ZKSCAN1: variants seen among roughly 807,000 people sequenced by gnomAD.
The protein encoded by ZKSCAN1 is zinc finger protein with KRAB and SCAN domains 1.
ZKSCAN1 carries 14 observed loss-of-function variants against 51.6 expected under a neutral mutation model. The observed-to-expected ratio is 0.27, with a 90% CI of 0.18 to 0.42. The LOEUF (loss-of-function observed/expected upper bound fraction) is 0.42, where lower values mean the gene tolerates loss of function less well. Ranked by LOEUF, ZKSCAN1 falls within the 10% of genes least tolerant of loss-of-function variation. The pLI is 1.00. For missense variants in ZKSCAN1, 531 were observed against 710.0 expected, an observed-to-expected ratio of 0.75 and a Z score of 2.86; for synonymous variants, 263 against 261.5, an observed-to-expected ratio of 1.01 and a Z score of -0.06.
At chr7:100,042,803 T>G (rs561514918), downstream of ZKSCAN1, among the ~76,000 whole-genome samples, 2 of 149,796 alleles carry the variant, frequency 1.3e-5, no homozygotes, top group African/African-American at 4.9e-5. Context: ...TTGGGTTTTT[T>G]TTTTTTTTTT....
chr7:100,038,507 A>G lies in ZKSCAN1; in HGVS notation c.*4310A>G, dbSNP rs1365577585. The G allele has an allele frequency of 2.0e-6, 2 of 985,460 alleles. No homozygotes were observed. Among genetic ancestry groups the G allele is most frequent in the Non-Finnish European group, 2.4e-6 (2 of 829,940 alleles). 61.0% of individuals were successfully genotyped at this position (985,460 alleles called of 1,614,324 possible). On this transcript the variant is annotated 3_prime_UTR_variant, in exon 6 of 6. Transcript: ENST00000324306. ...GCCTTTTGAATTTTTCCTCAAAACCAAGAAGTTGACCTCTGAGCTGTCAGG... is the reference window on the plus strand; with the variant it reads ...GCCTTTTGAATTTTTCCTCAAAACCGAGAAGTTGACCTCTGAGCTGTCAGG...
At chr7:100,018,729 A>G (rs1464041529) in intron 1 of ZKSCAN1, among the ~76,000 whole-genome samples, 1 of 152,184 alleles carries the variant, frequency 6.6e-6, no homozygotes, top group Non-Finnish European at 1.5e-5. Context: ...GAAGAGTATT[A>G]GGGCCTTTAG....
intron 3 of ZKSCAN1, among the ~76,000 whole-genome samples, 177 bp from the exon 4 acceptor site, chr7:100,029,684 G>T (rs1791017022): frequency 6.6e-6 from 1 of 152,178 alleles, no homozygotes; most frequent in South Asian, 2.1e-4. Context: ...AAGAGTAGAG[G>T]TCTTGGGAAA....
chr7:100,040,188 A>G lies in ZKSCAN1; in HGVS notation c.*5991A>G, dbSNP rs1221095826. 1 of 985,336 alleles carries G rather than the reference A, an allele frequency of 1.0e-6. No individual in the cohort carries two copies. The highest frequency in any genetic ancestry group is 1.7e-5 in the African/African-American group (1 of 57,242). 61.0% of individuals were successfully genotyped at this position (985,336 alleles called of 1,614,324 possible). A position where few individuals can be genotyped will look rare whatever the true frequency, so the allele number is the denominator to read the frequency against. On this transcript the variant is annotated 3_prime_UTR_variant, in exon 6 of 6. Coordinates refer to ENST00000324306, the MANE Select transcript of ZKSCAN1 (RefSeq NM_003439.4). The stretch of plus-strand genomic sequence containing the variant: ...TACTTTTGACATCCCACAATACAGA[A>G]TGTCTTAACATGAGAATTGAATTTC...
Position 100,033,128 on chromosome 7 carries a change from C to G in ZKSCAN1, c.800-177C>G, listed in dbSNP as rs1304401036. Among the ~76,000 whole-genome samples, 2 of 152,086 alleles carry G rather than the reference C, an allele frequency of 1.3e-5. No homozygotes were observed. The highest frequency in any genetic ancestry group is 3.9e-4 in the East Asian group (2 of 5,194). On this transcript the variant is annotated intron_variant, in intron 5 of 5. Coordinates refer to ENST00000324306, the MANE Select transcript of ZKSCAN1 (RefSeq NM_003439.4). The surrounding 1 kb of genome is among the most constrained non-coding windows in gnomAD (Gnocchi z 4.1). ...CGGAGGTTGCAGTGAACTGAGATCA[C>G]GTCACTGCACTCCAGCCTGGGCGAC...
At chr7:100,031,803 A>C (rs1184884020) in intron 5 of ZKSCAN1, among the ~76,000 whole-genome samples, 1 of 152,226 alleles carries the variant, frequency 6.6e-6, no homozygotes, top group Non-Finnish European at 1.5e-5. Flanking sequence ...TTGACCAGGC[A>C]CAATGGCTCA....
rs1198521657 is a variant in ZKSCAN1 at position 100,038,760 on chromosome 7, C to T, written c.*4563C>T. On this transcript the variant is annotated 3_prime_UTR_variant, in exon 6 of 6. Coordinates refer to ENST00000324306, the MANE Select transcript of ZKSCAN1 (RefSeq NM_003439.4). ...CCTGTAATCCCAGCACTTTGGGAGA[C>T]CAAGGCGGGTGGATCACAAGGTCAG... The T allele has an allele frequency of 1.0e-6, 1 of 978,832 alleles. No homozygotes were observed. 60.6% of individuals were successfully genotyped at this position (978,832 alleles called of 1,614,324 possible). A position where few individuals can be genotyped will look rare whatever the true frequency, so the allele number is the denominator to read the frequency against.
At chr7:100,026,371 A>G (rs750139634) in intron 3 of ZKSCAN1, among the ~76,000 whole-genome samples, 2 of 152,102 alleles carry the variant, frequency 1.3e-5, no homozygotes, top group Non-Finnish European at 2.9e-5. Context: ...CTACTCTACC[A>G]TAGACTGTAG....
In ZKSCAN1 at chr7:100,023,615, A is replaced by G. The variant is rs1425395462; in HGVS notation, c.109A>G (p.Met37Val). 9.9e-6 allele frequency: 16 copies of G among 1,614,010 alleles called. No homozygotes were observed. The highest frequency in any genetic ancestry group is 1.3e-5 in the Non-Finnish European group (15 of 1,180,034). Residue 37 changes from methionine to valine, a missense_variant, in exon 2 of 6, where the codon ATG becomes GTG. By Grantham distance (21) the Met-to-Val change is conservative (BLOSUM62 1). Coordinates refer to ENST00000324306, the MANE Select transcript of ZKSCAN1 (RefSeq NM_003439.4). ...KVEEEDEEDH[M>V]WGQDSTLQDT... ...GGAAGAGGAAGATGAGGAAGACCAC[A>G]TGTGGGGGCAGGATTCCACCCTACA...
rs1023974448 is a variant in ZKSCAN1, at chr7:100,039,850, T to C, written c.*5653T>C. 53 of 985,402 alleles carry C rather than the reference T, an allele frequency of 5.4e-5. No individual in the cohort carries two copies. The African/African-American group carries it at 7.3e-4, about 14-fold the overall frequency. 61.0% of individuals were successfully genotyped at this position (985,402 alleles called of 1,614,324 possible). A position where few individuals can be genotyped will look rare whatever the true frequency, so the allele number is the denominator to read the frequency against. On this transcript the variant is annotated 3_prime_UTR_variant, in exon 6 of 6. Transcript: ENST00000324306. Reference sequence around the variant, plus strand: ...AGTCTGCAGATTGTTAAATGAAATATAGAATCAGAGAAAAAGAAAAGTCAG... The same window carrying C: ...AGTCTGCAGATTGTTAAATGAAATACAGAATCAGAGAAAAAGAAAAGTCAG...
Position 100,023,737 on chromosome 7 carries a change from G to A in ZKSCAN1, c.231G>A (p.Leu77=). 1 of 1,614,206 alleles carries A rather than the reference G, an allele frequency of 6.2e-7. No individual in the cohort carries two copies. Among genetic ancestry groups the A allele is most frequent in the Middle Eastern group, 1.7e-4 (1 of 6,058 alleles). ...TFGPREALSR[L]KELCHQWLRP... is the part of the protein sequence containing the mutation. ...GGCCCCGAGAGGCTCTCAGTCGGCT[G>A]AAGGAACTTTGTCATCAGTGGCTGC... Residue 77 remains leucine (L), a synonymous_variant, in exon 2 of 6, where the codon CTG becomes CTA. Coordinates refer to ENST00000324306, the MANE Select transcript of ZKSCAN1 (RefSeq NM_003439.4).
chr7:100,035,206 T>C lies in ZKSCAN1; in HGVS notation c.*1009T>C, dbSNP rs1413930225. 1 of 152,278 alleles carries C rather than the reference T, an allele frequency of 6.6e-6. No homozygotes were observed. Among genetic ancestry groups the C allele is most frequent in the Non-Finnish European group, 1.5e-5 (1 of 68,032 alleles). 9.4% of individuals were successfully genotyped at this position (152,278 alleles called of 1,614,324 possible). A position where few individuals can be genotyped will look rare whatever the true frequency, so the allele number is the denominator to read the frequency against. The stretch of plus-strand genomic sequence containing the variant: ...CTGTGAATCGTGAGTCCCTGAAATA[T>C]GGTAGCCTGGCCCAGCTTCTAAAGA... On this transcript the variant is annotated 3_prime_UTR_variant, in exon 6 of 6. Coordinates refer to ENST00000324306, the MANE Select transcript of ZKSCAN1 (RefSeq NM_003439.4).
At chr7:100,025,318 C>CAAAAAA (rs35796352) in intron 3 of ZKSCAN1, among the ~76,000 whole-genome samples, 2 of 103,876 alleles carry the variant, frequency 1.9e-5, no homozygotes, top group Admixed American at 1.1e-4. Context: ...AGTCTGTTTC[C>CAAAAAA]AAAAAAAAAA....
chr7:100,028,987 A>C (rs918915338), intron 3 of ZKSCAN1, among the ~76,000 whole-genome samples: 17 of 151,848 alleles, frequency 1.1e-4, no homozygotes, highest in Middle Eastern at 3.4e-3. Flanking sequence ...CAACATGGAG[A>C]AACCCCGCCT....
chr7:100,024,936 T>TAA (rs3214193), intron 3 of ZKSCAN1: 2 of 147,840 alleles, frequency 1.4e-5, no homozygotes, highest in African/African-American at 5.0e-5. Flanking sequence ...ATTAAAAATT[T>TAA]AAAAAAAAAT....
chr7:100,025,930 AC>A (rs1040877812), intron 3 of ZKSCAN1, among the ~76,000 whole-genome samples: 20 of 152,226 alleles, frequency 1.3e-4, no homozygotes, highest in South Asian at 8.3e-4. Context: ...TACTGAAAAT[AC>A]AAAAATTGGC....
intron 5 of ZKSCAN1, among the ~76,000 whole-genome samples, chr7:100,032,887 A>C (rs1309284596): frequency 6.6e-6 from 1 of 152,170 alleles, no homozygotes; most frequent in East Asian, 1.9e-4. Flanking sequence ...GGGCGCCTGT[A>C]GTCCCAGCTA....
chr7:100,017,582 C>A (rs948763649), intron 1 of ZKSCAN1, among the ~76,000 whole-genome samples: 1 of 152,172 alleles, frequency 6.6e-6, no homozygotes, highest in Non-Finnish European at 1.5e-5. Flanking sequence ...TGGAACACAG[C>A]CTTTGAGCTT....
At chr7:100,027,143 A>G (rs1221069486) in intron 3 of ZKSCAN1, among the ~76,000 whole-genome samples, 1 of 152,158 alleles carries the variant, frequency 6.6e-6, no homozygotes, top group Non-Finnish European at 1.5e-5. Flanking sequence ...CTAAAAATAC[A>G]AAAATTAGTT....
Sources: gnomAD v4.1 joint callset for allele counts (sites outside exome capture counted in the v4.1 genomes callset) on GRCh38, gnomAD v4.1.1 for gene constraint, Gnocchi (gnomAD v3.1) non-coding constraint, MANE v1.5 for transcripts, NCBI Gene and HGNC (gene_info 2026-07-23, HGNC 2026-07-21) for gene names.